Variants in TGFA observed in about 807,000 individuals in gnomAD.
The protein encoded by TGFA is protransforming growth factor alpha.
TGFA carries 12 observed loss-of-function variants against 21.7 expected under a neutral mutation model. The ratio of observed to expected loss-of-function variants is 0.55; its 90% CI spans 0.35 to 0.90. TGFA has a LOEUF of 0.90. Ranked by LOEUF, TGFA falls within the 40% of genes least tolerant of loss-of-function variation. The pLI is 0.01. For synonymous variants in TGFA, 79 were observed against 88.1 expected (o/e 0.90, Z 0.58); for missense variants, 178 against 210.8 (o/e 0.84, Z 0.96).
At chr2:70,465,918 T>C (rs1423263902) in intron 2 of TGFA, among the ~76,000 whole-genome samples, 182 bp from the exon 3 acceptor site, 2 of 152,248 alleles carry the variant, frequency 1.3e-5, no homozygotes, top group Non-Finnish European at 1.5e-5. Flanking sequence ...CTAGAGCTCC[T>C]GTATAGCGTG....
intron 1 of TGFA, among the ~76,000 whole-genome samples, chr2:70,518,039 A>G (rs555096297): frequency 6.6e-6 from 1 of 152,286 alleles, no homozygotes; most frequent in East Asian, 1.9e-4. Flanking sequence ...ACTCCAAACA[A>G]AGGAAGGATG....
chr2:70,547,846 T>G (rs1553506208), intron 1 of TGFA, among the ~76,000 whole-genome samples: 1 of 147,926 alleles, frequency 6.8e-6, no homozygotes, highest in East Asian at 2.0e-4. Flanking sequence ...TATATAGAGA[T>G]ATATATATCT....
intron 2 of TGFA, among the ~76,000 whole-genome samples, chr2:70,471,116 C>T (rs1162976514): frequency 7.1e-6 from 1 of 141,662 alleles, no homozygotes; most frequent in Non-Finnish European, 1.5e-5. Context: ...CGCACCCCCC[C>T]CACCATATAA....
intron 1 of TGFA, among the ~76,000 whole-genome samples, chr2:70,523,812 T>C (rs1553502616): frequency 1.3e-5 from 2 of 152,200 alleles, no homozygotes; most frequent in Non-Finnish European, 2.9e-5. Context: ...ATTGGCAAAC[T>C]GCTTTGAACT....
At chr2:70,514,194 A>G (rs1240718232) in intron 2 of TGFA, among the ~76,000 whole-genome samples, 6 of 152,194 alleles carry the variant, frequency 3.9e-5, no homozygotes, top group Admixed American at 3.9e-4. Context: ...GGAACAATGC[A>G]CAGCCCCAAC....
intron 2 of TGFA, among the ~76,000 whole-genome samples, chr2:70,473,404 C>A (rs530778638): frequency 2.0e-5 from 3 of 151,638 alleles, no homozygotes; most frequent in East Asian, 3.9e-4. Context: ...GAGAATAATT[C>A]TTACTTTTTG....
intron 2 of TGFA, among the ~76,000 whole-genome samples, chr2:70,478,539 T>C (rs1671007128): frequency 6.6e-6 from 1 of 152,166 alleles, no homozygotes; most frequent in Non-Finnish European, 1.5e-5. Flanking sequence ...CAGAATATCT[T>C]GATCATATCT....
chr2:70,451,782 G>T, intron 5 of TGFA: 1 of 701,152 alleles, frequency 1.4e-6, no homozygotes, highest in South Asian at 1.5e-5. Context: ...TGTTGAGAGG[G>T]GGCTTTAGAG....
intron 2 of TGFA, among the ~76,000 whole-genome samples, chr2:70,510,006 T>C (rs1275201654): frequency 5.3e-5 from 8 of 152,232 alleles, no homozygotes; most frequent in African/African-American, 1.9e-4. Flanking sequence ...CTAATGTTTC[T>C]CTGCATGCTT....
At chr2:70,523,471 G>A (rs1423686755) in intron 1 of TGFA, among the ~76,000 whole-genome samples, 1 of 152,132 alleles carries the variant, frequency 6.6e-6, no homozygotes, top group Non-Finnish European at 1.5e-5. Flanking sequence ...CCACCCAAAT[G>A]TTTCTACCTA....
At chr2:70,451,028 C>T (rs535474768) in intron 5 of TGFA, among the ~76,000 whole-genome samples, 162 bp from the exon 6 acceptor site, 51 of 152,254 alleles carry the variant, frequency 3.3e-4, no homozygotes, top group African/African-American at 1.0e-3. Context: ...TCTCAGGGAC[C>T]GCAACCTCTG....
Position 70,449,162 on chromosome 2 carries a change from C to A in TGFA, c.*1697G>T, listed in dbSNP as rs1052632181. On this transcript the variant is annotated 3_prime_UTR_variant, in exon 6 of 6. Transcript: ENST00000295400. ...AATAAGAGTGCCAAAAATGAAGACA[C>A]GGGTCATAGAATTGTCTGAATTATA... 6.6e-6 allele frequency: 1 copy of A among 151,216 alleles called. No homozygotes were observed. 9.4% of individuals were successfully genotyped at this position (151,216 alleles called of 1,614,324 possible).
At chr2:70,508,742 G>A (rs546738721) in intron 2 of TGFA, among the ~76,000 whole-genome samples, 1 of 152,264 alleles carries the variant, frequency 6.6e-6, no homozygotes, top group South Asian at 2.1e-4. Context: ...TGTTGATTAT[G>A]ACCCGTAAAG....
chr2:70,478,518 C>T (rs1365563963), intron 2 of TGFA, among the ~76,000 whole-genome samples: 1 of 152,066 alleles, frequency 6.6e-6, no homozygotes, highest in African/African-American at 2.4e-5. Context: ...AAAAGCATGA[C>T]CATCCTGGCC....
Position 70,514,256 on chromosome 2 carries a change from G to A in TGFA, c.94+603C>T, listed in dbSNP as rs1325435293. 2.6e-5 allele frequency among the ~76,000 whole-genome samples: 4 copies of A among 152,048 alleles called. No individual in the cohort carries two copies. In the South Asian group the frequency reaches 8.3e-4, roughly 32 times the overall value. ...CATTGTTTCCTCACCAGGACTACTC[G>A]TATAAAAATATTAACACACATGGAG... is the stretch of plus-strand genomic sequence containing the variant. On this transcript the variant is annotated intron_variant, in intron 2 of 5. Transcript: ENST00000295400.
intron 2 of TGFA, among the ~76,000 whole-genome samples, chr2:70,500,459 TA>T (rs59778317): frequency 8.4e-4 from 125 of 148,040 alleles, no homozygotes; most frequent in East Asian, 1.6e-3. Context: ...AAGCAGAGTT[TA>T]AAAAAAAAAA....
At chr2:70,537,571 T>A (rs1673010300) in intron 1 of TGFA, among the ~76,000 whole-genome samples, 1 of 152,256 alleles carries the variant, frequency 6.6e-6, no homozygotes, top group African/African-American at 2.4e-5. Flanking sequence ...GCCTTATGGT[T>A]GTTATGGAGA....
intron 1 of TGFA, among the ~76,000 whole-genome samples, chr2:70,541,754 C>T (rs1326333580): frequency 6.6e-6 from 1 of 152,102 alleles, no homozygotes; most frequent in African/African-American, 2.4e-5. Flanking sequence ...GAAGGATTCT[C>T]CATCTGTGTG....
chr2:70,545,485 AT>A (rs1673274181), intron 1 of TGFA, among the ~76,000 whole-genome samples: 1 of 152,176 alleles, frequency 6.6e-6, no homozygotes, highest in African/African-American at 2.4e-5. Flanking sequence ...TGAAAATGGA[AT>A]TTCAAACCAC....
Sources: gnomAD v4.1 joint callset for allele counts (sites outside exome capture counted in the v4.1 genomes callset) on GRCh38, gnomAD v4.1.1 for gene constraint, MANE v1.5 for transcripts, NCBI Gene and HGNC (gene_info 2026-07-23, HGNC 2026-07-21) for gene names.